Variants in CFAP74 observed in about 807,000 individuals in gnomAD.
CFAP74 encodes the protein cilia and flagella associated protein 74.
In CFAP74, 124 loss-of-function variants were observed where a neutral mutation model predicts 188.9. The ratio of observed to expected loss-of-function variants is 0.66; its 90% CI spans 0.57 to 0.76. The LOEUF is 0.76. Among genes scored for constraint, CFAP74 ranks in the 30% least tolerant of loss-of-function variants. The pLI is 0.00. For synonymous variants in CFAP74, 956 were observed against 916.7 expected (o/e 1.04, Z -0.77); for missense variants, 2,198 against 2,165.2 (o/e 1.02, Z -0.30).
chr1:1,941,135 GAAAT>G (rs1347575811), intron 22 of CFAP74, among the ~76,000 whole-genome samples: 1 of 151,688 alleles, frequency 6.6e-6, no homozygotes, highest in African/African-American at 2.4e-5. Context: ...AAGAAAGAAA[GAAAT>G]ATCAGGAGAA....
At chr1:1,960,173 G>C (rs760958354) in intron 14 of CFAP74, 143 bp from the exon 15 acceptor site, 2 of 685,280 alleles carry the variant, frequency 2.9e-6, no homozygotes, top group African/African-American at 1.9e-5. Context: ...CCTTCACCCC[G>C]GGGAGTGCTG....
intron 33 of CFAP74, among the ~76,000 whole-genome samples, 171 bp downstream of exon 33, chr1:1,925,612 A>C (rs550138739): frequency 6.6e-6 from 1 of 152,182 alleles, no homozygotes; most frequent in Non-Finnish European, 1.5e-5. Context: ...GGTTCCCTGC[A>C]GGAGAGGGCG....
At chr1:2,003,189 A>C (rs576507048) in intron 1 of CFAP74, among the ~76,000 whole-genome samples, 3 of 152,196 alleles carry the variant, frequency 2.0e-5, no homozygotes, top group Non-Finnish European at 4.4e-5. Flanking sequence ...TATGCAGAGA[A>C]TATCAGTCCA....
At chr1:1,956,215 C>T (rs991396256) in intron 17 of CFAP74, among the ~76,000 whole-genome samples, 5 of 152,342 alleles carry the variant, frequency 3.3e-5, no homozygotes, top group African/African-American at 1.2e-4. Flanking sequence ...CACCCATACC[C>T]GTGACAGGAC....
intron 22 of CFAP74, among the ~76,000 whole-genome samples, 181 bp downstream of exon 22, chr1:1,941,847 A>G (rs1653396374): frequency 6.6e-6 from 1 of 152,054 alleles, no homozygotes; most frequent in Non-Finnish European, 1.5e-5. Context: ...AGCAACCAAA[A>G]CGGACCACAG....
At chr1:1,927,314 C>T in intron 28 of CFAP74, 1 of 572,796 alleles carries the variant, frequency 1.7e-6, no homozygotes, top group Non-Finnish European at 3.1e-6. Flanking sequence ...CACAGGCACC[C>T]ATTAGAGCTT....
At chr1:1,980,149 G>A (rs1656742018) in intron 6 of CFAP74, among the ~76,000 whole-genome samples, 1 of 84,098 alleles carries the variant, frequency 1.2e-5, no homozygotes, top group Non-Finnish European at 2.5e-5. Context: ...CGCGTGGGGA[G>A]GACGGGTGAA....
intron 1 of CFAP74, among the ~76,000 whole-genome samples, chr1:1,991,806 A>AGAC (rs1558066040): frequency 2.0e-5 from 3 of 152,010 alleles, no homozygotes; most frequent in Admixed American, 6.6e-5. Flanking sequence ...TTGGGAGGCC[A>AGAC]AGGTGGGCGG....
At chr1:1,984,776 G>C (rs974085440) in intron 6 of CFAP74, 1 of 152,856 alleles carries the variant, frequency 6.5e-6, no homozygotes, top group African/African-American at 2.4e-5. Context: ...CACTCTTAGG[G>C]GTGGGGTGGC....
intron 9 of CFAP74, among the ~76,000 whole-genome samples, chr1:1,971,228 C>G (rs6675279): frequency 6.6e-6 from 1 of 151,540 alleles, no homozygotes. Context: ...TACGCGTGCA[C>G]GCCTGCACAC....
chr1:1,932,359 C>A (rs769308860), intron 25 of CFAP74, among the ~76,000 whole-genome samples: 2 of 148,092 alleles, frequency 1.4e-5, no homozygotes, highest in African/African-American at 5.0e-5. Flanking sequence ...ATCGCGCCAC[C>A]GCACTCCAGC....
At position 1,968,919 on chromosome 1, in the gene CFAP74, C is replaced by T; in HGVS notation, c.1047-86G>A. 1 of 1,285,356 alleles carries T rather than the reference C, an allele frequency of 7.8e-7. No individual in the cohort carries two copies. Among genetic ancestry groups the T allele is most frequent in the Non-Finnish European group, 1.1e-6 (1 of 912,494 alleles). 79.6% of individuals were successfully genotyped at this position (1,285,356 alleles called of 1,614,324 possible). On this transcript the variant is annotated intron_variant, in intron 10 of 38. Coordinates refer to ENST00000682832, the MANE Select transcript of CFAP74 (RefSeq NM_001304360.2). The surrounding 1 kb of genome is among the most constrained non-coding windows in gnomAD (Gnocchi z 4.3). The stretch of plus-strand genomic sequence containing the variant: ...TGAGACAGTGCCCGGCGGCCCCTCC[C>T]TAGCGCCCTCCTGGGGGCTCCGGTC...
At position 1,965,031 on chromosome 1, in the gene CFAP74, C is replaced by T. The variant is rs534945921; in HGVS notation, c.1432G>A (p.Val478Met). ...VPKEDVDRKP[V>M]GGTKMDKDIL... The stretch of plus-strand genomic sequence containing the variant: ...TCCTTGTCCATCTTTGTCCCGCCCA[C>T]GGGCTTTCGGTCCACGTCCTCCTTG... The change falls in exon 13 of 39, where the codon GTG becomes ATG. Residue 478 changes from valine to methionine, a missense_variant. Physicochemically the swap from Val to Met is conservative, Grantham distance 21. Coordinates refer to ENST00000682832, the MANE Select transcript of CFAP74 (RefSeq NM_001304360.2). 7.4e-5 allele frequency: 120 copies of T among 1,613,506 alleles called. No homozygotes were observed. The highest frequency in any genetic ancestry group is 9.6e-5 in the Non-Finnish European group (113 of 1,179,786).
chr1:1,963,365 C>G (rs59455475), intron 14 of CFAP74, among the ~76,000 whole-genome samples: 1 of 139,686 alleles, frequency 7.2e-6, no homozygotes, highest in African/African-American at 2.7e-5. Context: ...GCAGGAGAAT[C>G]TCTTGAATCC....
rs937969390 is a variant in CFAP74, at chr1:1,927,730, G to T, written c.3404C>A (p.Ala1135Asp). ...TCCATGCAGGTCCTTCCTCTGGGGG[G>T]CCATATTCTTTCGGAACTGTGGGGG... is the stretch of plus-strand genomic sequence containing the variant. Reference protein sequence around the residue: ...METKSFRKNMAPQRKDLHGLS... With the variant: ...METKSFRKNMDPQRKDLHGLS... The change falls in exon 28 of 39, where the codon GCC (alanine) becomes GAC (aspartate). Residue 1135 changes from alanine (A) to aspartate (D), a missense_variant. Physicochemically the swap from Ala to Asp is moderately radical, Grantham distance 126. Transcript: ENST00000682832. The T allele has an allele frequency of 6.5e-7, 1 of 1,550,014 alleles. No individual in the cohort carries two copies. Among genetic ancestry groups the T allele is most frequent in the Non-Finnish European group, 8.7e-7 (1 of 1,146,722 alleles).
intron 16 of CFAP74, 98 bp from the exon 17 acceptor site, chr1:1,956,882 G>T: frequency 8.0e-7 from 1 of 1,257,366 alleles, no homozygotes; most frequent in Non-Finnish European, 1.1e-6. Context: ...GCTGCCCTGA[G>T]CATTTGTGCG....
In CFAP74 at chr1:1,942,938, C is replaced by T. The variant is rs1653486802; in HGVS notation, c.2487-782G>A. Among the ~76,000 whole-genome samples the T allele has an allele frequency of 1.3e-5, 2 of 152,224 alleles. No individual in the cohort carries two copies. The highest frequency in any genetic ancestry group is 6.5e-5 in the Admixed American group (1 of 15,294). Reference sequence around the variant, plus strand: ...ATGCTGTGGCAGCCTCATCTCCGTCCATCACAGACCTGCCTCTGACCTCTG... The same window carrying T: ...ATGCTGTGGCAGCCTCATCTCCGTCTATCACAGACCTGCCTCTGACCTCTG... On this transcript the variant is annotated intron_variant, in intron 21 of 38. Coordinates refer to ENST00000682832, the MANE Select transcript of CFAP74 (RefSeq NM_001304360.2). This position sits in a 1 kb window ranked among gnomAD's most constrained non-coding sequence, Gnocchi z 4.3.
intron 18 of CFAP74, among the ~76,000 whole-genome samples, chr1:1,948,106 T>G (rs924334715): frequency 1.3e-5 from 2 of 151,710 alleles, no homozygotes; most frequent in African/African-American, 4.9e-5. Context: ...CTCCTGACCT[T>G]GTGATCTGCC....
intron 1 of CFAP74, among the ~76,000 whole-genome samples, chr1:1,999,289 T>C (rs547603555): frequency 6.6e-6 from 1 of 152,178 alleles, no homozygotes; most frequent in Admixed American, 6.5e-5. Flanking sequence ...AGAAGCAGGG[T>C]TGCTGAACAG....
Sources: allele counts gnomAD v4.1 joint callset (sites outside exome capture counted in the v4.1 genomes callset), GRCh38; gene constraint gnomAD v4.1.1; non-coding constraint Gnocchi (gnomAD v3.1); transcripts MANE v1.5; gene names NCBI Gene and HGNC (gene_info 2026-07-23, HGNC 2026-07-21).